RERE: variants seen among roughly 807,000 people sequenced by gnomAD.
The protein encoded by RERE is arginine-glutamic acid dipeptide repeats protein.
A neutral mutation model predicts 146.1 loss-of-function variants in RERE; 40 were observed. That is an observed-to-expected ratio of 0.27 (90% CI 0.21 to 0.36). RERE has a LOEUF of 0.36. Ranked by LOEUF, RERE falls within the 10% of genes least tolerant of loss-of-function variation. RERE has a pLI of 1.00. For synonymous variants in RERE, 1,003 were observed against 866.0 expected (o/e 1.16, Z -2.78); for missense variants, 1,933 against 2,138.7 (o/e 0.90, Z 1.90).
At chr1:8,485,919 C>T (rs942359383) in intron 10 of RERE, among the ~76,000 whole-genome samples, 3 of 151,778 alleles carry the variant, frequency 2.0e-5, no homozygotes, top group Non-Finnish European at 4.4e-5. Flanking sequence ...CTGCCTCAGG[C>T]TCCCTGAGTA....
chr1:8,629,351 T>C (rs1647009094), intron 2 of RERE, among the ~76,000 whole-genome samples: 1 of 152,222 alleles, frequency 6.6e-6, no homozygotes, highest in Non-Finnish European at 1.5e-5. Context: ...GCAATGATAC[T>C]GAACAGAGGT....
intron 4 of RERE, among the ~76,000 whole-genome samples, chr1:8,564,158 AGGGTAG>A (rs948243057): frequency 5.3e-5 from 8 of 152,220 alleles, no homozygotes; most frequent in Non-Finnish European, 1.2e-4. Context: ...TCAAGGGAGA[AGGGTAG>A]GGACAGACAA....
At chr1:8,674,795 C>T (rs2124381506) in intron 1 of RERE, among the ~76,000 whole-genome samples, 1 of 152,264 alleles carries the variant, frequency 6.6e-6, no homozygotes, top group South Asian at 2.1e-4. Flanking sequence ...TACTCCACAA[C>T]CACAAAAATA....
intron 12 of RERE, among the ~76,000 whole-genome samples, chr1:8,387,591 CAA>C (rs1454970445): frequency 6.6e-6 from 1 of 152,010 alleles, no homozygotes; most frequent in Non-Finnish European, 1.5e-5. Context: ...AGAACTCTTA[CAA>C]ATCTAGAAAA....
At chr1:8,663,310 G>A (rs933720106) in intron 1 of RERE, among the ~76,000 whole-genome samples, 1 of 152,062 alleles carries the variant, frequency 6.6e-6, no homozygotes, top group Non-Finnish European at 1.5e-5. Context: ...TTTGACTTTT[G>A]ACTAAATACA....
chr1:8,475,201 CTG>C (rs966534425), intron 10 of RERE, among the ~76,000 whole-genome samples: 1 of 151,836 alleles, frequency 6.6e-6, no homozygotes, highest in African/African-American at 2.4e-5. Context: ...CGGTGAAACC[CTG>C]TCTCTACCAA....
At chr1:8,551,182 C>T (rs1645931046) in intron 6 of RERE, among the ~76,000 whole-genome samples, 1 of 152,200 alleles carries the variant, frequency 6.6e-6, no homozygotes, top group Admixed American at 6.5e-5. Flanking sequence ...AGCTGGAAAA[C>T]AGTCCTCAGT....
At chr1:8,444,593 T>C (rs1468447679) in intron 11 of RERE, among the ~76,000 whole-genome samples, 1 of 152,198 alleles carries the variant, frequency 6.6e-6, no homozygotes, top group Non-Finnish European at 1.5e-5. Flanking sequence ...CCAAATTTCA[T>C]GTTGAAATGT....
At chr1:8,795,153 G>T (rs1641443784) in intron 1 of RERE, among the ~76,000 whole-genome samples, 1 of 151,994 alleles carries the variant, frequency 6.6e-6, no homozygotes, top group Non-Finnish European at 1.5e-5. Context: ...AGCCTCCCAA[G>T]TAGCTGGGAT....
intron 12 of RERE, among the ~76,000 whole-genome samples, chr1:8,411,191 T>C (rs757369533): frequency 6.6e-6 from 1 of 152,104 alleles, no homozygotes; most frequent in Non-Finnish European, 1.5e-5. Flanking sequence ...AATACAAAAT[T>C]ACTACATAAA....
intron 2 of RERE, among the ~76,000 whole-genome samples, chr1:8,637,021 G>T (rs1423809180): frequency 6.6e-6 from 1 of 152,086 alleles, no homozygotes; most frequent in Non-Finnish European, 1.5e-5. Flanking sequence ...TAAATTTCTA[G>T]ATGCCCTAGT....
intron 4 of RERE, among the ~76,000 whole-genome samples, chr1:8,598,115 T>C (rs1364842809): frequency 6.6e-6 from 1 of 152,236 alleles, no homozygotes; most frequent in Non-Finnish European, 1.5e-5. Context: ...CCTAGATGTG[T>C]TCTCCACATT....
chr1:8,570,157 T>C (rs951839851), intron 4 of RERE, among the ~76,000 whole-genome samples: 2 of 151,682 alleles, frequency 1.3e-5, no homozygotes, highest in African/African-American at 4.8e-5. Context: ...GCCAACATGG[T>C]GAAACCCCGT....
rs531210329 is a variant in RERE, at chr1:8,684,748, T to C, written c.-144-28307A>G. On this transcript the variant is annotated intron_variant, in intron 1 of 22. Transcript: ENST00000400908. Reference sequence around the variant, plus strand: ...GAAGCCTTCCTGTCACCACCATCTTTGCCTCCTGCAATTGCAATAAACAGG... The same window carrying C: ...GAAGCCTTCCTGTCACCACCATCTTCGCCTCCTGCAATTGCAATAAACAGG... Among the ~76,000 whole-genome samples, 9 of 152,346 alleles carry C rather than the reference T, an allele frequency of 5.9e-5. No homozygotes were observed. In the East Asian group the frequency reaches 1.7e-3, roughly 29 times the overall value.
intron 3 of RERE, among the ~76,000 whole-genome samples, chr1:8,623,031 A>G (rs1415690294): frequency 1.3e-5 from 2 of 152,238 alleles, no homozygotes; most frequent in Non-Finnish European, 2.9e-5. Context: ...GAGCACAGAC[A>G]GTGGTTCACA....
chr1:8,541,773 T>G (rs17027167), intron 6 of RERE, among the ~76,000 whole-genome samples: 2,353 of 152,300 alleles, frequency 0.015, 64 homozygotes, highest in African/African-American at 0.054. Flanking sequence ...GGAATACAGC[T>G]TCTGGCCAAT....
At chr1:8,566,841 A>G (rs1440908343) in intron 4 of RERE, among the ~76,000 whole-genome samples, 2 of 148,396 alleles carry the variant, frequency 1.3e-5, no homozygotes, top group Non-Finnish European at 3.0e-5. Context: ...CCCAGGTTGG[A>G]GTGCAGTGGT....
At chr1:8,716,822 TA>T (rs200112891) in intron 1 of RERE, among the ~76,000 whole-genome samples, 12 of 151,208 alleles carry the variant, frequency 7.9e-5, no homozygotes, top group South Asian at 2.1e-4. Context: ...AGAAAAGGAA[TA>T]AAAAAAAACC....
chr1:8,529,520 T>G (rs1645614309), intron 7 of RERE, among the ~76,000 whole-genome samples: 1 of 151,440 alleles, frequency 6.6e-6, no homozygotes, highest in Admixed American at 6.6e-5. Flanking sequence ...CAGGATGGTC[T>G]CAATCTCCAG....
Sources: allele counts gnomAD v4.1 joint callset (sites outside exome capture counted in the v4.1 genomes callset), GRCh38; gene constraint gnomAD v4.1.1; transcripts MANE v1.5; gene names NCBI Gene and HGNC (gene_info 2026-07-23, HGNC 2026-07-21).